Variants in OOSP1 observed in about 807,000 individuals in gnomAD.
OOSP1 encodes the protein oocyte secreted protein 1.
OOSP1 carries 11 observed loss-of-function variants against 5.7 expected under a neutral mutation model. The ratio of observed to expected loss-of-function variants is 1.94; its 90% confidence interval spans 1.22 to 3.20. OOSP1 has a LOEUF of 3.20. Ranked by LOEUF, OOSP1 falls within the 30% of genes most tolerant of loss-of-function variation. The probability of loss-of-function intolerance (pLI) is 0.00; values close to 1 mark genes in which losing one functional copy is unlikely to be tolerated. For missense variants in OOSP1, 83 were observed against 54.1 expected, an observed-to-expected ratio of 1.53 and a Z score of -1.67; for synonymous variants, 44 against 20.0, an observed-to-expected ratio of 2.20 and a Z score of -3.20.
intron 4 of OOSP1, among the ~76,000 whole-genome samples, chr11:59,954,198 C>T: frequency 6.6e-6 from 1 of 152,142 alleles, no homozygotes; most frequent in Non-Finnish European, 1.5e-5. Context: ...CATGGGAACA[C>T]AGTCATGTAT....
chr11:59,942,782 C>G (rs1220104522), intron 1 of OOSP1, 65 bp from the exon 2 acceptor site: 3 of 646,588 alleles, frequency 4.6e-6, no homozygotes, highest in Middle Eastern at 3.9e-4. Context: ...ACAGGGTATG[C>G]TAAATTTTTT....
chr11:59,954,956 C>G (rs1853979641), intron 4 of OOSP1, among the ~76,000 whole-genome samples: 1 of 151,522 alleles, frequency 6.6e-6, no homozygotes, highest in African/African-American at 2.4e-5. Flanking sequence ...TCTCAGAAAT[C>G]AAGAATCCTT....
At chr11:59,952,358 A>G (rs1211158221) in intron 4 of OOSP1, among the ~76,000 whole-genome samples, 1 of 152,268 alleles carries the variant, frequency 6.6e-6, no homozygotes, top group African/African-American at 2.4e-5. Flanking sequence ...CACAATTCAC[A>G]ATTGCAAAGA....
intron 4 of OOSP1, among the ~76,000 whole-genome samples, chr11:59,953,553 C>A (rs565279498): frequency 2.6e-5 from 4 of 152,022 alleles, no homozygotes; most frequent in African/African-American, 4.8e-5. Flanking sequence ...CTTTCTAATG[C>A]GGAGTCTCTG....
At chr11:59,956,844 A>G (rs1038366515) in intron 4 of OOSP1, among the ~76,000 whole-genome samples, 1 of 152,154 alleles carries the variant, frequency 6.6e-6, no homozygotes, top group African/African-American at 2.4e-5. Context: ...TTAGAATAAT[A>G]GTTTCCAATC....
At chr11:59,943,355 TA>T (rs1010243195) in intron 2 of OOSP1, among the ~76,000 whole-genome samples, 125 of 146,678 alleles carry the variant, frequency 8.5e-4, no homozygotes, top group East Asian at 3.8e-3. Context: ...ACTTAAAGTA[TA>T]AAAAAAAAAC....
At chr11:59,946,906 T>C (rs1565232345) in intron 3 of OOSP1, among the ~76,000 whole-genome samples, 1 of 143,408 alleles carries the variant, frequency 7.0e-6, no homozygotes, top group Non-Finnish European at 1.5e-5. Context: ...TCAAAATATC[T>C]CATCTACCAT....
Position 59,945,085 on chromosome 11 carries a change from T to C in OOSP1, c.259-84T>C, listed in dbSNP as rs540848868. 2.1e-5 allele frequency: 14 copies of C among 678,040 alleles called. 1 individual carries two copies. Among genetic ancestry groups the C allele is most frequent in the African/African-American group, 1.1e-4 (6 of 56,368 alleles). 42.0% of individuals were successfully genotyped at this position (678,040 alleles called of 1,614,324 possible). On this transcript the variant is annotated intron_variant, in intron 2 of 4. Coordinates refer to ENST00000646685, the Ensembl canonical transcript of OOSP1. ...GACCATTTTTAGAAAGCTTGATGTA[T>C]CTATAAATTCCTATTTAAATGCCTG...
At chr11:59,941,701 C>T (rs945803549) in intron 1 of OOSP1, among the ~76,000 whole-genome samples, 1 of 152,122 alleles carries the variant, frequency 6.6e-6, no homozygotes, top group African/African-American at 2.4e-5. Context: ...TTTATGTGAA[C>T]ATACATTTTT....
intron 3 of OOSP1, among the ~76,000 whole-genome samples, chr11:59,946,750 T>A (rs1853887420): frequency 6.6e-6 from 1 of 151,416 alleles, no homozygotes; most frequent in African/African-American, 2.4e-5. Context: ...GTTGTCAAGA[T>A]CAGCATGTAC....
exon 4 of OOSP1, chr11:59,947,822 C>T (rs1014942459): frequency 2.8e-5 from 11 of 398,676 alleles, no homozygotes; most frequent in Non-Finnish European, 4.0e-5. Flanking sequence ...ATACACATTG[C>T]GAATGAAGAC....
intron 4 of OOSP1, among the ~76,000 whole-genome samples, chr11:59,954,473 A>G (rs183860804): frequency 3.3e-5 from 5 of 152,264 alleles, no homozygotes; most frequent in African/African-American, 1.2e-4. Context: ...AATTGAACAC[A>G]GAACTTGCTC....
intron 1 of OOSP1, among the ~76,000 whole-genome samples, chr11:59,938,843 C>T (rs1038319599): frequency 6.6e-6 from 1 of 151,972 alleles, no homozygotes; most frequent in Non-Finnish European, 1.5e-5. Context: ...TGTGGAGTGG[C>T]CTGGAAAACA....
At chr11:59,950,200 T>C (rs1337569158) in intron 4 of OOSP1, among the ~76,000 whole-genome samples, 2 of 152,124 alleles carry the variant, frequency 1.3e-5, no homozygotes, top group East Asian at 3.8e-4. Flanking sequence ...GCTACTGTCT[T>C]GGATAAAAAT....
chr11:59,941,234 G>A (rs920585019), intron 1 of OOSP1, among the ~76,000 whole-genome samples: 20 of 152,086 alleles, frequency 1.3e-4, no homozygotes, highest in African/African-American at 4.3e-4. Flanking sequence ...AAGATGTTGC[G>A]TGTATCAACA....
intron 1 of OOSP1, among the ~76,000 whole-genome samples, chr11:59,939,252 CTTCCT>C (rs1285611047): frequency 6.8e-6 from 1 of 147,228 alleles, no homozygotes; most frequent in Non-Finnish European, 1.5e-5. Flanking sequence ...TCCTTCTTTT[CTTCCT>C]TTCTTTTTTT....
Position 59,938,538 on chromosome 11 carries a change from T to C in OOSP1, c.76+8T>C, listed in dbSNP as rs1405600008. 3 of 530,568 alleles carry C rather than the reference T, an allele frequency of 5.7e-6. No homozygotes were observed. Among genetic ancestry groups the C allele is most frequent in the Admixed American group, 3.2e-5 (1 of 31,026 alleles). 32.9% of individuals were successfully genotyped at this position (530,568 alleles called of 1,614,324 possible). ...GCGCTGGGGACTGGTCAGGTATAAC[T>C]TATCACTTGGGGAATAGAAGTTTCT... On this transcript the variant is annotated splice_region_variant and intron_variant, in intron 1 of 4. Coordinates refer to ENST00000646685, the Ensembl canonical transcript of OOSP1.
chr11:59,956,132 C>T (rs1016415718), intron 4 of OOSP1, among the ~76,000 whole-genome samples: 1 of 151,948 alleles, frequency 6.6e-6, no homozygotes, highest in Non-Finnish European at 1.5e-5. Flanking sequence ...TCCAAGAATG[C>T]CATCATTAGG....
intron 1 of OOSP1, among the ~76,000 whole-genome samples, chr11:59,939,049 C>G (rs1204424702): frequency 6.6e-6 from 1 of 152,206 alleles, no homozygotes; most frequent in Non-Finnish European, 1.5e-5. Flanking sequence ...GCCCCAAAAA[C>G]CTCCTGTTCG....
Sources: gnomAD v4.1 joint callset for allele counts (sites outside exome capture counted in the v4.1 genomes callset) on GRCh38, gnomAD v4.1.1 for gene constraint, MANE v1.5 for transcripts, NCBI Gene and HGNC (gene_info 2026-07-23, HGNC 2026-07-21) for gene names.